DAAM1: variants seen among roughly 807,000 people sequenced by gnomAD.
The protein encoded by DAAM1 is disheveled-associated activator of morphogenesis 1.
In DAAM1, 52 loss-of-function variants were observed where a neutral mutation model predicts 130.0. The ratio of observed to expected loss-of-function variants is 0.40; its 90% CI spans 0.32 to 0.50. DAAM1 has a LOEUF of 0.50. DAAM1 is among the 20% of genes least tolerant of loss of function. The probability of loss-of-function intolerance (pLI) is 0.61; values close to 1 mark genes in which losing one functional copy is unlikely to be tolerated. For missense variants in DAAM1, 1,134 were observed against 1,303.8 expected (o/e 0.87, Z 2.01); for synonymous variants, 452 against 444.5 (o/e 1.02, Z -0.21).
intron 1 of DAAM1, among the ~76,000 whole-genome samples, chr14:59,194,580 A>G (rs1336498115): frequency 1.3e-5 from 2 of 152,226 alleles, no homozygotes; most frequent in African/African-American, 4.8e-5. Flanking sequence ...GAGAGTTAAG[A>G]GGGCCCATAA....
At chr14:59,364,649 C>T (rs1327585793) in intron 23 of DAAM1, among the ~76,000 whole-genome samples, 2 of 150,922 alleles carry the variant, frequency 1.3e-5, no homozygotes, top group African/African-American at 5.0e-5. Context: ...TGTTTCGAAA[C>T]TTCTGTAAAT....
At chr14:59,213,673 C>T (rs570438486) in intron 1 of DAAM1, among the ~76,000 whole-genome samples, 2 of 152,276 alleles carry the variant, frequency 1.3e-5, no homozygotes, top group South Asian at 4.1e-4. Context: ...GCAGGGTATA[C>T]GTATATGTAA....
intron 12 of DAAM1, among the ~76,000 whole-genome samples, chr14:59,330,244 T>C (rs1885372057): frequency 6.6e-6 from 1 of 151,720 alleles, no homozygotes; most frequent in Non-Finnish European, 1.5e-5. Context: ...TTTTGTTCTG[T>C]GTTTAGAACT....
rs1883723380 is a variant in DAAM1, at chr14:59,291,131, T to C, written c.184-86T>C. On this transcript the variant is annotated intron_variant, in intron 2 of 24. Coordinates refer to ENST00000360909, the MANE Select transcript of DAAM1 (RefSeq NM_001270520.2). ...TTAAATATGTGTTTGTGTTTTTGTT[T>C]TTTTTCTTCCTTGATGATACTGATA... is the stretch of plus-strand genomic sequence containing the variant. 5 of 1,135,288 alleles carry C rather than the reference T, an allele frequency of 4.4e-6. No homozygotes were observed. The South Asian group carries it at 7.7e-5, about 17-fold the overall frequency. The allele number at this position is 1,135,288 out of a possible 1,614,324, so 70.3% of individuals were successfully genotyped here. A position where few individuals can be genotyped will look rare whatever the true frequency, so the allele number is the denominator to read the frequency against.
At chr14:59,206,463 G>T (rs956108390) in intron 1 of DAAM1, among the ~76,000 whole-genome samples, 1 of 151,992 alleles carries the variant, frequency 6.6e-6, no homozygotes, top group Non-Finnish European at 1.5e-5. Context: ...TTTTAATAGA[G>T]ACAGGGTTTT....
intron 1 of DAAM1, among the ~76,000 whole-genome samples, chr14:59,259,553 A>G (rs1444532847): frequency 6.6e-6 from 1 of 152,214 alleles, no homozygotes; most frequent in Non-Finnish European, 1.5e-5. Flanking sequence ...CCTTGTCAGT[A>G]GTCCCAGAAT....
intron 2 of DAAM1, among the ~76,000 whole-genome samples, chr14:59,281,268 T>C (rs1005920109): frequency 4.6e-5 from 7 of 152,144 alleles, no homozygotes; most frequent in Non-Finnish European, 7.4e-5. Flanking sequence ...CCAACTCAAC[T>C]GTTCAGTAGA....
intron 1 of DAAM1, among the ~76,000 whole-genome samples, chr14:59,260,204 G>T (rs374392476): frequency 6.6e-6 from 1 of 152,162 alleles, no homozygotes; most frequent in Non-Finnish European, 1.5e-5. Context: ...TTTTTGATAG[G>T]AACATTTTTG....
intron 3 of DAAM1, among the ~76,000 whole-genome samples, chr14:59,296,132 A>T (rs1206877499): frequency 6.6e-6 from 1 of 152,190 alleles, no homozygotes; most frequent in African/African-American, 2.4e-5. Context: ...AATGATTAGA[A>T]AGAAATTTGT....
At chr14:59,271,358 G>A (rs1329181998) in intron 2 of DAAM1, among the ~76,000 whole-genome samples, 1 of 152,008 alleles carries the variant, frequency 6.6e-6, no homozygotes, top group African/African-American at 2.4e-5. Flanking sequence ...AGGATGATAA[G>A]ATTTATACCA....
intron 1 of DAAM1, among the ~76,000 whole-genome samples, chr14:59,189,697 T>C (rs1887668974): frequency 6.6e-6 from 1 of 152,170 alleles, no homozygotes; most frequent in East Asian, 1.9e-4. Context: ...CAACTGCTTG[T>C]GATCGGCTTG....
Position 59,324,464 on chromosome 14 carries a change from A to T in DAAM1, c.989+10A>T, listed in dbSNP as rs1885133305. On this transcript the variant is annotated intron_variant, in intron 8 of 24. Transcript: ENST00000360909. ...ATTCAACATTAGATAGGTAAGTCAG[A>T]CTATTATGATGTGAGAAAGTTTCTG... 6.5e-7 allele frequency: 1 copy of T among 1,536,684 alleles called. No individual in the cohort carries two copies. Among genetic ancestry groups the T allele is most frequent in the African/African-American group, 1.4e-5 (1 of 72,564 alleles).
rs1051029922 is a variant in DAAM1 at position 59,228,762 on chromosome 14, G to A, written c.-37-34679G>A. ...TCCACTTATAATCTGAATAAATCAT[G>A]TATTTTCCTTGCCTACCTTTTCCCT... On this transcript the variant is annotated intron_variant, in intron 1 of 24. Coordinates refer to ENST00000360909, the MANE Select transcript of DAAM1 (RefSeq NM_001270520.2). Among the ~76,000 whole-genome samples the A allele has an allele frequency of 2.0e-5, 3 of 152,282 alleles. No homozygotes were observed. The South Asian group carries it at 6.2e-4, about 32-fold the overall frequency.
intron 23 of DAAM1, among the ~76,000 whole-genome samples, chr14:59,365,094 C>A (rs1886865384): frequency 6.6e-6 from 1 of 151,334 alleles, no homozygotes; most frequent in Admixed American, 6.6e-5. Flanking sequence ...ATCACAGTAG[C>A]CAGCATCGCG....
intron 1 of DAAM1, among the ~76,000 whole-genome samples, chr14:59,201,916 A>G (rs565026750): frequency 6.6e-6 from 1 of 152,200 alleles, no homozygotes; most frequent in Non-Finnish European, 1.5e-5. Flanking sequence ...ACTACCTAAT[A>G]CACTGAACCT....
At chr14:59,362,550 C>CCAAT (rs906841417) in intron 22 of DAAM1, 29 of 152,112 alleles carry the variant, frequency 1.9e-4, no homozygotes, top group African/African-American at 6.7e-4. Context: ...GCAATTTCTT[C>CCAAT]CAATCAGTGC....
chr14:59,263,807 T>C (rs1235717313), intron 2 of DAAM1, 147 bp downstream of exon 2: 2 of 941,820 alleles, frequency 2.1e-6, no homozygotes, highest in African/African-American at 3.3e-5. Flanking sequence ...ACCCTCACTG[T>C]CAGCACTAAA....
At chr14:59,321,112 G>A (rs764915305) in intron 5 of DAAM1, among the ~76,000 whole-genome samples, 5 of 139,982 alleles carry the variant, frequency 3.6e-5, no homozygotes, top group Admixed American at 1.4e-4. Context: ...CCACATAATG[G>A]AATATAATTT....
At chr14:59,222,712 T>A (rs1888815869) in intron 1 of DAAM1, among the ~76,000 whole-genome samples, 1 of 152,246 alleles carries the variant, frequency 6.6e-6, no homozygotes, top group East Asian at 1.9e-4. Flanking sequence ...TACTCTTTGG[T>A]AAGCATTCAC....
Sources: allele counts gnomAD v4.1 joint callset (sites outside exome capture counted in the v4.1 genomes callset), GRCh38; gene constraint gnomAD v4.1.1; transcripts MANE v1.5; gene names NCBI Gene and HGNC (gene_info 2026-07-23, HGNC 2026-07-21).